The following KYNU variants were observed in gnomAD, a reference collection of about 807,000 sequenced individuals.
The protein encoded by KYNU is kynureninase, also known as L-kynurenine hydrolase.
KYNU carries 54 observed loss-of-function variants against 59.2 expected under a neutral mutation model. The ratio of observed to expected loss-of-function variants is 0.91; its 90% CI spans 0.73 to 1.14. The LOEUF (loss-of-function observed/expected upper bound fraction) is 1.14. KYNU is among the 50% of genes most tolerant of loss of function. The probability of loss-of-function intolerance (pLI) is 0.00; values close to 1 mark genes in which losing one functional copy is unlikely to be tolerated. For missense variants in KYNU, 567 were observed against 554.4 expected (o/e 1.02, Z -0.23); for synonymous variants, 177 against 192.0 (o/e 0.92, Z 0.65).
chr2:142,980,733 C>T (rs966942939), intron 8 of KYNU, among the ~76,000 whole-genome samples: 1 of 152,034 alleles, frequency 6.6e-6, no homozygotes, highest in African/African-American at 2.4e-5. Context: ...TGAGTGTGAG[C>T]TGTGTCAGTA....
intron 10 of KYNU, among the ~76,000 whole-genome samples, chr2:142,992,224 A>G (rs1268028393): frequency 1.3e-5 from 2 of 151,906 alleles, no homozygotes; most frequent in Non-Finnish European, 2.9e-5. Context: ...AGGACATTTG[A>G]CAATGTACTT....
chr2:143,007,285 T>A (rs1685941468), intron 10 of KYNU, among the ~76,000 whole-genome samples: 2 of 149,624 alleles, frequency 1.3e-5, no homozygotes, highest in Non-Finnish European at 2.9e-5. Context: ...ACCGGTGCGA[T>A]CAACTGGAAG....
At chr2:143,031,975 T>A (rs1431060842) in intron 11 of KYNU, among the ~76,000 whole-genome samples, 2 of 151,116 alleles carry the variant, frequency 1.3e-5, no homozygotes, top group African/African-American at 4.9e-5. Flanking sequence ...AGAGAGAGAG[T>A]GCATAAAAAC....
Position 142,933,792 on chromosome 2 carries a change from G to A in KYNU, c.373+6051G>A, listed in dbSNP as rs1683300957. The stretch of plus-strand genomic sequence containing the variant: ...GATAGGGTACTGAGGTCAAGAGCAA[G>A]GGCCTGTCCAAAAAGATGGGGGCTG... On this transcript the variant is annotated intron_variant, in intron 4 of 13. Transcript: ENST00000264170. Among the ~76,000 whole-genome samples the A allele has an allele frequency of 2.0e-5, 3 of 152,280 alleles. No homozygotes were observed. The South Asian group carries it at 6.2e-4, about 32-fold the overall frequency.
At position 143,048,750 on chromosome 2, in the gene KYNU, G is replaced by A. The variant is rs1033214574; in HGVS notation, c.*6578G>A. 1 of 152,112 alleles carries A rather than the reference G, an allele frequency of 6.6e-6. No homozygotes were observed. The highest frequency in any genetic ancestry group is 1.5e-5 in the Non-Finnish European group (1 of 68,016). 9.4% of individuals were successfully genotyped at this position (152,112 alleles called of 1,614,324 possible). ...CAGTATTTTGGCTTCCATTACTGCT[G>A]TTAAGCATTCAGATCATCAGAGAAA... On this transcript the variant is annotated 3_prime_UTR_variant, in exon 14 of 14. Coordinates refer to ENST00000264170, the MANE Select transcript of KYNU (RefSeq NM_003937.3).
At chr2:142,897,353 TAA>T (rs1245628331) in intron 2 of KYNU, among the ~76,000 whole-genome samples, 1 of 152,198 alleles carries the variant, frequency 6.6e-6, no homozygotes, top group African/African-American at 2.4e-5. Flanking sequence ...GACATAATCA[TAA>T]ATCCCACTTA....
At chr2:142,951,113 AAAT>A (rs1377715538) in intron 4 of KYNU, among the ~76,000 whole-genome samples, 2 of 152,230 alleles carry the variant, frequency 1.3e-5, no homozygotes, top group East Asian at 1.9e-4. Context: ...TTGATCACGG[AAAT>A]AATAATAAAG....
intron 10 of KYNU, among the ~76,000 whole-genome samples, chr2:143,021,601 G>A (rs1204767372): frequency 1.3e-5 from 2 of 152,082 alleles, no homozygotes; most frequent in African/African-American, 4.8e-5. Flanking sequence ...ACCTCACGTG[G>A]CAGGAGCAAG....
chr2:142,922,007 G>C (rs975930829), intron 3 of KYNU, among the ~76,000 whole-genome samples: 8 of 152,122 alleles, frequency 5.3e-5, no homozygotes, highest in African/African-American at 1.9e-4. Context: ...AATTTTATCT[G>C]ATCACTTCTT....
At chr2:142,913,562 C>T (rs1682574208) in intron 2 of KYNU, among the ~76,000 whole-genome samples, 1 of 152,076 alleles carries the variant, frequency 6.6e-6, no homozygotes, top group Admixed American at 6.6e-5. Flanking sequence ...GAAAGTATGG[C>T]TGGTATGATT....
intron 2 of KYNU, among the ~76,000 whole-genome samples, chr2:142,906,926 A>T (rs900272570): frequency 6.6e-6 from 1 of 152,130 alleles, no homozygotes; most frequent in Non-Finnish European, 1.5e-5. Flanking sequence ...AACTCTCCCA[A>T]CCCAGAAGTT....
intron 4 of KYNU, among the ~76,000 whole-genome samples, chr2:142,931,096 C>T (rs1454249052): frequency 6.6e-6 from 1 of 152,206 alleles, no homozygotes; most frequent in African/African-American, 2.4e-5. Context: ...GCCAGGGTAG[C>T]TGTCTTTCGG....
chr2:142,899,120 C>A (rs995225057), intron 2 of KYNU, among the ~76,000 whole-genome samples: 1 of 151,972 alleles, frequency 6.6e-6, no homozygotes, highest in Admixed American at 6.6e-5. Flanking sequence ...GGACAGTGAG[C>A]AAAAGCTCAG....
intron 2 of KYNU, among the ~76,000 whole-genome samples, chr2:142,905,954 T>G (rs539590918): frequency 6.6e-6 from 1 of 152,210 alleles, no homozygotes; most frequent in South Asian, 2.1e-4. Context: ...ACACTGTTTT[T>G]CTTTACTACT....
At chr2:142,894,326 C>T (rs1681800933) in intron 2 of KYNU, among the ~76,000 whole-genome samples, 1 of 152,060 alleles carries the variant, frequency 6.6e-6, no homozygotes, top group African/African-American at 2.4e-5. Flanking sequence ...TGGGGCATCC[C>T]TATTGGAAAA....
intron 12 of KYNU, among the ~76,000 whole-genome samples, chr2:143,037,176 A>G (rs1183767641): frequency 6.6e-6 from 1 of 152,230 alleles, no homozygotes; most frequent in Non-Finnish European, 1.5e-5. Context: ...GCCTGAGGCC[A>G]GGAACCTGGT....
chr2:142,991,229 C>A (rs896164752), intron 10 of KYNU, among the ~76,000 whole-genome samples: 1 of 151,782 alleles, frequency 6.6e-6, no homozygotes, highest in African/African-American at 2.4e-5. Flanking sequence ...ATGCCATAGC[C>A]CAAAACTTAT....
intron 8 of KYNU, among the ~76,000 whole-genome samples, chr2:142,974,384 A>G (rs1684826642): frequency 6.6e-6 from 1 of 152,238 alleles, no homozygotes; most frequent in Non-Finnish European, 1.5e-5. Flanking sequence ...AACGTAGAGT[A>G]GGATTTAACC....
rs1050983211 is a variant in KYNU, at chr2:143,050,846, T to C, written c.*8674T>C. ...GAAGTTGTTAGAACATTGATTTTTT[T>C]AAGTAAATGGATTTTTGCACCACTT... is the stretch of plus-strand genomic sequence containing the variant. On this transcript the variant is annotated 3_prime_UTR_variant, in exon 14 of 14. Coordinates refer to ENST00000264170, the MANE Select transcript of KYNU (RefSeq NM_003937.3). 1 of 152,212 alleles carries C rather than the reference T, an allele frequency of 6.6e-6. No individual in the cohort carries two copies. Among genetic ancestry groups the C allele is most frequent in the Non-Finnish European group, 1.5e-5 (1 of 68,040 alleles). 9.4% of individuals were successfully genotyped at this position (152,212 alleles called of 1,614,324 possible). A position where few individuals can be genotyped will look rare whatever the true frequency, so the allele number is the denominator to read the frequency against.
Sources: gnomAD v4.1 joint callset for allele counts (sites outside exome capture counted in the v4.1 genomes callset) on GRCh38, gnomAD v4.1.1 for gene constraint, MANE v1.5 for transcripts, NCBI Gene and HGNC (gene_info 2026-07-23, HGNC 2026-07-21) for gene names.